TRIM6: variants seen among roughly 807,000 people sequenced by gnomAD.
The protein encoded by TRIM6 is tripartite motif containing 6.
A neutral mutation model predicts 51.2 loss-of-function variants in TRIM6; 43 were observed. That is an observed-to-expected ratio of 0.84 (90% confidence interval 0.66 to 1.08). The LOEUF is 1.08. Ranked by LOEUF, TRIM6 falls within the 50% of genes least tolerant of loss-of-function variation. The pLI, the probability that TRIM6 is intolerant of heterozygous loss-of-function variation, is 0.00. For synonymous variants in TRIM6, 215 were observed against 232.4 expected (o/e 0.93, Z 0.68); for missense variants, 669 against 619.0 (o/e 1.08, Z -0.86).
At chr11:5,599,622 C>A (rs889355579) in intron 1 of TRIM6, among the ~76,000 whole-genome samples, 1 of 152,160 alleles carries the variant, frequency 6.6e-6, no homozygotes. Context: ...CCAGGATGGT[C>A]TCGATCTCCT....
At chr11:5,598,359 A>C (rs56041517) in intron 1 of TRIM6, among the ~76,000 whole-genome samples, 6,237 of 152,234 alleles carry the variant, frequency 0.041, 135 homozygotes, top group South Asian at 0.098. Context: ...CAACTCTTAC[A>C]AATCTTTTTT....
rs1327237477 is a variant in TRIM6, at chr11:5,596,862, C to T, written c.-36C>T. On this transcript the variant is annotated 5_prime_UTR_variant, in exon 1 of 8. Transcript: ENST00000380097. ...GAAGAGCTTTGACCACCTGATATTG[C>T]TTACATCTGGAACTTCTTGGCTTCT... is the stretch of plus-strand genomic sequence containing the variant. 2 of 1,613,894 alleles carry T rather than the reference C, an allele frequency of 1.2e-6. No homozygotes were observed. Among genetic ancestry groups the T allele is most frequent in the Admixed American group, 1.7e-5 (1 of 59,980 alleles).
intron 1 of TRIM6, among the ~76,000 whole-genome samples, chr11:5,600,217 G>A (rs181026694): frequency 0.011 from 1,617 of 152,194 alleles, 33 homozygotes; most frequent in African/African-American, 0.037. Flanking sequence ...ATTCAACACC[G>A]GCCCCGCCAC....
chr11:5,604,091 G>C (rs1422141686), intron 2 of TRIM6, among the ~76,000 whole-genome samples: 1 of 152,094 alleles, frequency 6.6e-6, no homozygotes, highest in Non-Finnish European at 1.5e-5. Context: ...CGCCTCCCGG[G>C]TTCAAGCAGT....
intron 5 of TRIM6, among the ~76,000 whole-genome samples, chr11:5,609,613 A>G (rs1180982805): frequency 1.2e-4 from 18 of 152,238 alleles, no homozygotes; most frequent in Admixed American, 9.8e-4. Context: ...ACAGAAAAAC[A>G]AAATGAGACT....
intron 5 of TRIM6, 97 bp downstream of exon 5, chr11:5,608,491 A>G: frequency 6.4e-7 from 1 of 1,562,772 alleles, no homozygotes; most frequent in East Asian, 2.3e-5. Flanking sequence ...AGAGTGGGGA[A>G]GATTCAAGAG....
At position 5,611,145 on chromosome 11, in the gene TRIM6, C is replaced by T. The variant is rs1386489523; in HGVS notation, c.1354C>T (p.Leu452Phe). Residue 452 changes from leucine (L) to phenylalanine (F), a missense_variant, in exon 8 of 8, where the codon CTC becomes TTC. Coordinates refer to ENST00000380097, the MANE Select transcript of TRIM6 (RefSeq NM_001003818.3). ...AYEDSSPSLL[L>F]SMTVPPRRVG... ...TGAGGATTCTTCCCCTTCCCTGCTT[C>T]TCTCCATGACAGTGCCCCCTCGCCG... The T allele has an allele frequency of 1.9e-6, 3 of 1,614,170 alleles. No individual in the cohort carries two copies. The South Asian group carries it at 3.3e-5, about 18-fold the overall frequency.
rs915943488 is a variant in TRIM6, at chr11:5,611,259, T to C, written c.1468T>C (p.Tyr490His). The C allele has an allele frequency of 4.3e-6, 7 of 1,614,090 alleles. No homozygotes were observed. The highest frequency in any genetic ancestry group is 5.1e-6 in the Non-Finnish European group (6 of 1,179,966). The change falls in exon 8 of 8, where the codon TAT becomes CAT. Residue 490 changes from tyrosine to histidine, a missense_variant. Tyr to His is a moderately conservative substitution (Grantham distance 83, BLOSUM62 2). Transcript: ENST00000380097. ...CTTCCCCATCTACACTTTCTCTAAA[T>C]ATTACTTTCCCACTACTCTTTGTCC... ...HGFPIYTFSKYYFPTTLCPYF... is the reference protein window; with the variant it reads ...HGFPIYTFSKHYFPTTLCPYF...
intron 2 of TRIM6, 64 bp from the exon 3 acceptor site, chr11:5,604,470 C>G (rs750467726): frequency 6.6e-7 from 1 of 1,525,182 alleles, no homozygotes; most frequent in Non-Finnish European, 8.9e-7. Flanking sequence ...CCCATTCATT[C>G]TATGTCTGGG....
rs897968200 is a variant in TRIM6, at chr11:5,612,354, T to G, written c.*1012T>G. 2 of 152,192 alleles carry G rather than the reference T, an allele frequency of 1.3e-5. No individual in the cohort carries two copies. Among genetic ancestry groups the G allele is most frequent in the African/African-American group, 4.8e-5 (2 of 41,462 alleles). The allele number at this position is 152,192 out of a possible 1,614,324, so 9.4% of individuals were successfully genotyped here. A position where few individuals can be genotyped will look rare whatever the true frequency, so the allele number is the denominator to read the frequency against. On this transcript the variant is annotated 3_prime_UTR_variant, in exon 8 of 8. Coordinates refer to ENST00000380097, the MANE Select transcript of TRIM6 (RefSeq NM_001003818.3). ...AACTCAAATTGAAGAGAGTCTTCAC[T>G]ACAATCTTCACTACAACCTTTGGCC...
At chr11:5,608,272 T>G in intron 4 of TRIM6, 100 bp from the exon 5 acceptor site, 1 of 1,540,458 alleles carries the variant, frequency 6.5e-7, no homozygotes, top group Non-Finnish European at 8.8e-7. Context: ...AGGATTATCT[T>G]TATTTGTATC....
rs758760496 is a variant in TRIM6 at position 5,611,105 on chromosome 11, T to C, written c.1314T>C (p.His438=). ...GGGTGATTGGGTTACAGCATAACCA[T>C]GAATATAGGGCCTATGAGGATTCTT... ...GYWVIGLQHN[H]EYRAYEDSSP... Residue 438 remains histidine, a synonymous_variant, in exon 8 of 8, where the codon CAT becomes CAC. Coordinates refer to ENST00000380097, the MANE Select transcript of TRIM6 (RefSeq NM_001003818.3). 6 of 1,614,182 alleles carry C rather than the reference T, an allele frequency of 3.7e-6. No homozygotes were observed. The highest frequency in any genetic ancestry group is 5.1e-6 in the Non-Finnish European group (6 of 1,180,032).
At chr11:5,604,705 C>T (rs2133840094) in intron 3 of TRIM6, 76 bp downstream of exon 3, 3 of 1,455,800 alleles carry the variant, frequency 2.1e-6, no homozygotes, top group Middle Eastern at 2.0e-4. Flanking sequence ...CAAAGGAGTC[C>T]TTGTCCTGTC....
At position 5,610,520 on chromosome 11, in the gene TRIM6, T is replaced by A. The variant is rs1280648840; in HGVS notation, c.959-15T>A. The A allele has an allele frequency of 6.2e-7, 1 of 1,613,986 alleles. No individual in the cohort carries two copies. Among genetic ancestry groups the A allele is most frequent in the Non-Finnish European group, 8.5e-7 (1 of 1,180,026 alleles). On this transcript the variant is annotated splice_polypyrimidine_tract_variant and intron_variant, in intron 6 of 7. Transcript: ENST00000380097. ...TGGTCCTATTCAACATTATTGACTCTTTTCATCATTACAGAGCTGACAGAT... is the reference window on the plus strand; with the variant it reads ...TGGTCCTATTCAACATTATTGACTCATTTCATCATTACAGAGCTGACAGAT...
In TRIM6 at chr11:5,605,445, A is replaced by T. The variant is rs201371091; in HGVS notation, c.712A>T (p.Lys238Ter). 4.3e-5 allele frequency: 70 copies of T among 1,614,018 alleles called. No individual in the cohort carries two copies. The highest frequency in any genetic ancestry group is 5.3e-5 in the Non-Finnish European group (62 of 1,180,040). ...RELKKLEQEE[K>*]KGLRIIEEAE... Reference sequence around the variant, plus strand: ...GCTGAAAAAGCTGGAACAGGAAGAGAAGAAGGGGCTACGAATTATAGAAGA... The same window carrying T: ...GCTGAAAAAGCTGGAACAGGAAGAGTAGAAGGGGCTACGAATTATAGAAGA... Residue 238 changes from lysine (K) to a stop codon, truncating the protein, a stop_gained, in exon 4 of 8, where the codon AAG (lysine) becomes TAG (stop). Transcript: ENST00000380097. LOFTEE classifies it high-confidence loss of function.
intron 4 of TRIM6, among the ~76,000 whole-genome samples, chr11:5,608,056 A>G (rs979142447): frequency 1.3e-5 from 2 of 152,228 alleles, no homozygotes; most frequent in African/African-American, 4.8e-5. Flanking sequence ...TTATGACTTC[A>G]TCATCTGAGG....
In TRIM6 at chr11:5,603,352, A is replaced by G; in HGVS notation, c.124A>G (p.Thr42Ala). 6.2e-7 allele frequency: 1 copy of G among 1,614,066 alleles called. No homozygotes were observed. Among genetic ancestry groups the G allele is most frequent in the Non-Finnish European group, 8.5e-7 (1 of 1,180,006 alleles). ...PVLVDIREEV[T>A]CPICLELLTE... ...ACTGGTGGACATACGAGAAGAGGTG[A>G]CCTGCCCTATCTGCCTGGAGCTCCT... The change falls in exon 2 of 8, where the codon ACC (threonine) becomes GCC (alanine). Residue 42 changes from threonine to alanine, a missense_variant. Transcript: ENST00000380097.
Position 5,610,248 on chromosome 11 carries a change from A to C in TRIM6, c.958+3A>C, listed in dbSNP as rs201989495. On this transcript the variant is annotated splice_donor_region_variant and intron_variant, in intron 6 of 7. Transcript: ENST00000380097. ...AAGGATGCTGCGAGTGTGTAGAGGT[A>C]AGGAGATTCAGGGGAAAGAGTTTGG... 148 of 1,614,092 alleles carry C rather than the reference A, an allele frequency of 9.2e-5. No homozygotes were observed. The African/African-American group carries it at 1.8e-3, about 20-fold the overall frequency.
chr11:5,597,925 A>G lies in TRIM6; in HGVS notation c.17+1011A>G, dbSNP rs1847571219. On this transcript the variant is annotated intron_variant, in intron 1 of 7. Transcript: ENST00000380097. ...CGTAAGAATCACCTAGAGAACTTTA[A>G]TATTAAAGTGCAGATTCTGAATCAT... 2.8e-5 allele frequency among the ~76,000 whole-genome samples: 3 copies of G among 105,334 alleles called. No individual in the cohort carries two copies. The South Asian group carries it at 8.3e-4, about 29-fold the overall frequency. The allele number at this position is 105,334 out of a possible 152,430, so 69.1% of individuals were successfully genotyped here.
Sources: gnomAD v4.1 joint callset for allele counts (sites outside exome capture counted in the v4.1 genomes callset) on GRCh38, gnomAD v4.1.1 for gene constraint, MANE v1.5 for transcripts, NCBI Gene and HGNC (gene_info 2026-07-23, HGNC 2026-07-21) for gene names.